SLC35B2: variants seen among roughly 807,000 people sequenced by gnomAD.
SLC35B2 encodes the protein adenosine 3'-phospho 5'-phosphosulfate transporter 1.
In SLC35B2, 19 loss-of-function variants were observed where a neutral mutation model predicts 37.9. That is an observed-to-expected ratio of 0.50 (90% CI 0.35 to 0.74). SLC35B2 has a LOEUF of 0.74. SLC35B2 is among the 30% of genes least tolerant of loss of function. The pLI, the probability that SLC35B2 is intolerant of heterozygous loss-of-function variation, is 0.01. For missense variants in SLC35B2, 633 were observed against 547.6 expected (o/e 1.16, Z -1.56); for synonymous variants, 277 against 225.2 (o/e 1.23, Z -2.06).
chr6:44,254,969 T>A lies in SLC35B2; in HGVS notation c.1036A>T (p.Ile346Phe). 1 of 1,614,142 alleles carries A rather than the reference T, an allele frequency of 6.2e-7. No individual in the cohort carries two copies. Among genetic ancestry groups the A allele is most frequent in the Non-Finnish European group, 8.5e-7 (1 of 1,180,014 alleles). Residue 346 changes from isoleucine (I) to phenylalanine (F), a missense_variant, in exon 4 of 4, where the codon ATC (isoleucine) becomes TTC (phenylalanine). By Grantham distance (21) the Ile-to-Phe change is conservative. Transcript: ENST00000393812. ...EFAAHALLLS[I>F]CSACGQLFIF... ...AAGAGCTGGCCACATGCGGAGCAGA[T>A]GGAGAGTAGCAGGGCATGGGCAGCA...
chr6:44,254,752 C>G lies in SLC35B2; in HGVS notation c.1253G>C (p.Arg418Pro), dbSNP rs551150308. ...CTCAACAGGCACAGCCTTCTTTCCC[C>G]GTTGCTTTAGACGGCCCCGCGCGTA... is the stretch of plus-strand genomic sequence containing the variant. ...RVYARGRLKQ[R>P]GKKAVPVESP... Residue 418 changes from arginine (R) to proline (P), a missense_variant, in exon 4 of 4, where the codon CGG (arginine) becomes CCG (proline). Arg to Pro is a moderately radical substitution (Grantham distance 103, BLOSUM62 -2). Coordinates refer to ENST00000393812, the MANE Select transcript of SLC35B2 (RefSeq NM_178148.4). 4 of 1,614,016 alleles carry G rather than the reference C, an allele frequency of 2.5e-6. No individual in the cohort carries two copies. In the Admixed American group the frequency reaches 6.7e-5, roughly 27 times the overall value.
chr6:44,256,957 G>A (rs1192961933), intron 1 of SLC35B2, 79 bp from the exon 2 acceptor site: 1 of 1,413,952 alleles, frequency 7.1e-7, no homozygotes, highest in Non-Finnish European at 9.4e-7. Context: ...CACTGGAGTA[G>A]TGCCCGGAGT....
At position 44,256,446 on chromosome 6, in the gene SLC35B2, G is replaced by C; in HGVS notation, c.256C>G (p.Pro86Ala). 1 of 1,614,174 alleles carries C rather than the reference G, an allele frequency of 6.2e-7. No individual in the cohort carries two copies. Among genetic ancestry groups the C allele is most frequent in the Non-Finnish European group, 8.5e-7 (1 of 1,180,030 alleles). Residue 86 changes from proline to alanine, a missense_variant, in exon 3 of 4, where the codon CCC (proline) becomes GCC (alanine). Coordinates refer to ENST00000393812, the MANE Select transcript of SLC35B2 (RefSeq NM_178148.4). The stretch of plus-strand genomic sequence containing the variant: ...AGGGGAACCTCATCAGAGGCCTTGG[G>C]CTCATTGCCAAACACACAAGCTTTC... Reference protein sequence around the residue: ...LVKACVFGNEPKASDEVPLAP... With the variant: ...LVKACVFGNEAKASDEVPLAP...
At position 44,255,614 on chromosome 6, in the gene SLC35B2, C is replaced by T; in HGVS notation, c.391G>A (p.Glu131Lys). Residue 131 changes from glutamate (E) to lysine (K), a missense_variant, in exon 4 of 4, where the codon GAA becomes AAA. Glu to Lys is a moderately conservative substitution (Grantham distance 56). Coordinates refer to ENST00000393812, the MANE Select transcript of SLC35B2 (RefSeq NM_178148.4). ...VSYLTWGVLQERVMTRSYGAT... is the reference protein window; with the variant it reads ...VSYLTWGVLQKRVMTRSYGAT... Reference sequence around the variant, plus strand: ...CCATAGCTGCGGGTCATCACTCTTTCCTGCAGCACACCCCAAGTCAGATAA... The same window carrying T: ...CCATAGCTGCGGGTCATCACTCTTTTCTGCAGCACACCCCAAGTCAGATAA... 1 of 1,613,966 alleles carries T rather than the reference C, an allele frequency of 6.2e-7. No individual in the cohort carries two copies. Among genetic ancestry groups the T allele is most frequent in the Non-Finnish European group, 8.5e-7 (1 of 1,179,966 alleles).
rs2153325579 is a variant in SLC35B2, at chr6:44,255,073, C to G, written c.932G>C (p.Cys311Ser). 6.2e-7 allele frequency: 1 copy of G among 1,614,200 alleles called. No homozygotes were observed. ...TAGCAGTGAGCCCACTGTGAAGAGG[C>G]AGGAGAAGAAATTGACCCCAAACAT... is the stretch of plus-strand genomic sequence containing the variant. ...QMMFGVNFFS[C>S]LFTVGSLLEQ... Residue 311 changes from cysteine to serine, a missense_variant, in exon 4 of 4, where the codon TGC becomes TCC. Physicochemically the swap from Cys to Ser is moderately radical, Grantham distance 112. Transcript: ENST00000393812.
At chr6:44,257,111 G>A (rs1781620958) in intron 1 of SLC35B2, 3 of 595,860 alleles carry the variant, frequency 5.0e-6, no homozygotes, top group Non-Finnish European at 8.5e-6. Flanking sequence ...TGGCCACACA[G>A]GTCTCCTCTG....
At position 44,254,768 on chromosome 6, in the gene SLC35B2, C is replaced by G. The variant is rs141587728; in HGVS notation, c.1237G>C (p.Gly413Arg). The part of the protein sequence containing the change: ...AALLLRVYAR[G>R]RLKQRGKKAV... ...TTCTTTCCCCGTTGCTTTAGACGGC[C>G]CCGCGCGTAGACTCTGAGCAGGAGG... Residue 413 changes from glycine (G) to arginine (R), a missense_variant, in exon 4 of 4, where the codon GGC (glycine) becomes CGC (arginine). Transcript: ENST00000393812. 1.9e-6 allele frequency: 3 copies of G among 1,614,154 alleles called. No individual in the cohort carries two copies. The highest frequency in any genetic ancestry group is 2.5e-6 in the Non-Finnish European group (3 of 1,180,030).
intron 1 of SLC35B2, 117 bp downstream of exon 1, chr6:44,257,283 C>G: frequency 1.7e-6 from 2 of 1,165,064 alleles, no homozygotes; most frequent in Non-Finnish European, 2.2e-6. Flanking sequence ...CTCCGGGCAG[C>G]GATATGCTGG....
chr6:44,255,361 G>A lies in SLC35B2; in HGVS notation c.644C>T (p.Ala215Val), dbSNP rs1165257716. ...GACAGGGATCACCTTAGAGGCCTTG[G>A]CCAGCACCTGGGTGGGGAAGCTGAC... The part of the protein sequence containing the change: ...KFVSFPTQVL[A>V]KASKVIPVML... The change falls in exon 4 of 4, where the codon GCC becomes GTC. Residue 215 changes from alanine to valine, a missense_variant. Ala to Val is a moderately conservative substitution (Grantham distance 64). Transcript: ENST00000393812. The A allele has an allele frequency of 4.3e-6, 7 of 1,614,112 alleles. No individual in the cohort carries two copies. The highest frequency in any genetic ancestry group is 5.9e-6 in the Non-Finnish European group (7 of 1,180,054).
chr6:44,257,721 C>CT (rs539882433), upstream of SLC35B2: 12 of 162,076 alleles, frequency 7.4e-5, no homozygotes, highest in South Asian at 2.2e-3. Context: ...GGCGTGTCCC[C>CT]TGTGCTTCGT....
At chr6:44,257,042 G>T in intron 1 of SLC35B2, 164 bp from the exon 2 acceptor site, 1 of 820,838 alleles carries the variant, frequency 1.2e-6, no homozygotes, top group Admixed American at 3.3e-5. Context: ...TCGGGGAGGG[G>T]GTGCGCCGGC....
In SLC35B2 at chr6:44,254,704, C is replaced by A; in HGVS notation, c.*2G>T. On this transcript the variant is annotated 3_prime_UTR_variant, in exon 4 of 4. Transcript: ENST00000393812. Reference sequence around the variant, plus strand: ...ACTTCACCCCTCAGGCCCTTTCCACCCTCAAACCTTCTGCACAGGAGACTC... The same window carrying A: ...ACTTCACCCCTCAGGCCCTTTCCACACTCAAACCTTCTGCACAGGAGACTC... 2 of 1,605,096 alleles carry A rather than the reference C, an allele frequency of 1.2e-6. No individual in the cohort carries two copies. Among genetic ancestry groups the A allele is most frequent in the South Asian group, 1.1e-5 (1 of 90,484 alleles).
intron 3 of SLC35B2, among the ~76,000 whole-genome samples, chr6:44,255,893 T>C (rs1218844007): frequency 6.6e-6 from 1 of 150,692 alleles, no homozygotes; most frequent in Non-Finnish European, 1.5e-5. Flanking sequence ...TTCAACATGA[T>C]ATTCAAGGTG....
chr6:44,257,034 G>C (rs1041827495), intron 1 of SLC35B2, 156 bp from the exon 2 acceptor site: 1 of 801,542 alleles, frequency 1.2e-6, no homozygotes, highest in Non-Finnish European at 1.8e-6. Flanking sequence ...TCTCTCTCTC[G>C]GGGAGGGGGT....
upstream of SLC35B2, chr6:44,257,553 C>T: frequency 2.6e-6 from 2 of 771,698 alleles, no homozygotes; most frequent in South Asian, 6.4e-5. Context: ...GCCTCCCTCC[C>T]CGCGGCCCCC....
At chr6:44,255,762 T>C (rs1781369983) in intron 3 of SLC35B2, 118 bp from the exon 4 acceptor site, 25 of 1,008,560 alleles carry the variant, frequency 2.5e-5, no homozygotes, top group Middle Eastern at 4.5e-4. Flanking sequence ...ATATACACTT[T>C]TTGGTTCCTC....
Position 44,254,847 on chromosome 6 carries a change from A to G in SLC35B2, c.1158T>C (p.Tyr386=), listed in dbSNP as rs35163667. ...CTCCCACCACAGTGACAGTGTGGCC[A>G]TAGAGAAGGCAGGAAAGAAGGATGG... ...AFAILLSCLL[Y]GHTVTVVGGL... Residue 386 remains tyrosine (Y), a synonymous_variant, in exon 4 of 4, where the codon TAT becomes TAC. Transcript: ENST00000393812. The G allele has an allele frequency of 2.8e-4, 460 of 1,614,174 alleles. 2 individuals carry two copies. The African/African-American group carries it at 5.0e-3, about 18-fold the overall frequency.
rs528551259 is a variant in SLC35B2 at position 44,254,239 on chromosome 6, G to A, written c.*467C>T. 23 of 200,892 alleles carry A rather than the reference G, an allele frequency of 1.1e-4. No individual in the cohort carries two copies. The highest frequency in any genetic ancestry group is 5.0e-4 in the African/African-American group (21 of 42,302). 12.4% of individuals were successfully genotyped at this position (200,892 alleles called of 1,614,324 possible). On this transcript the variant is annotated 3_prime_UTR_variant, in exon 4 of 4. Transcript: ENST00000393812. ...ATAGGAGGTGGTGGTGCTGGGCAGG[G>A]CTCTGCATCCCCTTTCCTCAGCACA...
In SLC35B2 at chr6:44,254,389, A is replaced by C; in HGVS notation, c.*317T>G. ...GTCTGGAAGGTGGCAGAGCACAGCT[A>C]GGGCAAGACTTAAGGGAACTTGTGG... On this transcript the variant is annotated 3_prime_UTR_variant, in exon 4 of 4. Transcript: ENST00000393812. 3.2e-6 allele frequency: 1 copy of C among 313,130 alleles called. No individual in the cohort carries two copies. The highest frequency in any genetic ancestry group is 6.0e-6 in the Non-Finnish European group (1 of 167,466). The allele number at this position is 313,130 out of a possible 1,614,324, so 19.4% of individuals were successfully genotyped here.
Sources: gnomAD v4.1 joint callset for allele counts (sites outside exome capture counted in the v4.1 genomes callset) on GRCh38, gnomAD v4.1.1 for gene constraint, MANE v1.5 for transcripts, NCBI Gene and HGNC (gene_info 2026-07-23, HGNC 2026-07-21) for gene names.